Variants in CPHXL observed in about 807,000 individuals in gnomAD.
The protein encoded by CPHXL is cytoplasmic polyadenylated homeobox-like protein.
At chr16:75,719,357 A>C (rs1959440735) in intron 1 of CPHXL, among the ~76,000 whole-genome samples, 1 of 152,150 alleles carries the variant, frequency 6.6e-6, no homozygotes, top group Admixed American at 6.5e-5. Flanking sequence ...TTCCTAGTGA[A>C]AGAAAGGGGT....
At position 75,725,774 on chromosome 16, in the gene CPHXL, T is replaced by C. The variant is rs1327312188; in HGVS notation, c.25+644A>G. On this transcript the variant is annotated intron_variant, in intron 1 of 2. Transcript: ENST00000640559. Reference sequence around the variant, plus strand: ...GCGTCTTTTTTTTTTTTTTTTTTTTTTTTTTTTTTAGGCAACCTTGCTATG... The same window carrying C: ...GCGTCTTTTTTTTTTTTTTTTTTTTCTTTTTTTTTAGGCAACCTTGCTATG... 3.6e-5 allele frequency among the ~76,000 whole-genome samples: 5 copies of C among 138,784 alleles called. No homozygotes were observed. In the Admixed American group the frequency reaches 3.9e-4, roughly 11 times the overall value. 91.0% of individuals were successfully genotyped at this position (138,784 alleles called of 152,430 possible). A position where few individuals can be genotyped will look rare whatever the true frequency, so the allele number is the denominator to read the frequency against.
At chr16:75,723,812 G>T (rs1289803136) in intron 1 of CPHXL, among the ~76,000 whole-genome samples, 1 of 152,128 alleles carries the variant, frequency 6.6e-6, no homozygotes, top group East Asian at 1.9e-4. Context: ...TAAGCCAAAA[G>T]AACAAAGCTG....
intron 1 of CPHXL, among the ~76,000 whole-genome samples, chr16:75,724,560 C>G (rs1220771538): frequency 1.3e-5 from 2 of 152,218 alleles, no homozygotes; most frequent in African/African-American, 4.8e-5. Flanking sequence ...AAATGCAAAT[C>G]AAAACCACAA....
intron 1 of CPHXL, among the ~76,000 whole-genome samples, chr16:75,724,302 C>T (rs1481166134): frequency 6.6e-6 from 1 of 152,156 alleles, no homozygotes; most frequent in Admixed American, 6.5e-5. Flanking sequence ...AGAGCTTCTG[C>T]ACAGTAAAAG....
chr16:75,722,939 G>C (rs150618959), intron 1 of CPHXL, among the ~76,000 whole-genome samples: 9,595 of 152,206 alleles, frequency 0.063, 451 homozygotes, highest in African/African-American at 0.12. Context: ...TGCAAGGCTG[G>C]TTCAACATAC....
chr16:75,724,415 A>C (rs542422743), intron 1 of CPHXL, among the ~76,000 whole-genome samples: 1 of 152,194 alleles, frequency 6.6e-6, no homozygotes, highest in Non-Finnish European at 1.5e-5. Flanking sequence ...AATGAACTCA[A>C]ACAAATTTAC....
In CPHXL at chr16:75,718,412, C is replaced by A. The variant is rs2151838882; in HGVS notation, c.72G>T (p.Lys24Asn). ...GTCGGTGTTTTGTTTTTCTTTTATTCTTTGTTTGTCTTTCTTCATTATGAT... is the reference window on the plus strand; with the variant it reads ...GTCGGTGTTTTGTTTTTCTTTTATTATTTGTTTGTCTTTCTTCATTATGAT... Reference protein sequence around the residue: ...EDHHNEERQTKNKRKTKHRHK... With the variant: ...EDHHNEERQTNNKRKTKHRHK... The change falls in exon 2 of 3, where the codon AAG becomes AAT. Residue 24 changes from lysine to asparagine, a missense_variant. Physicochemically the swap from Lys to Asn is moderately conservative, Grantham distance 94. Transcript: ENST00000640559. The A allele has an allele frequency of 2.5e-6, 1 of 398,466 alleles. No homozygotes were observed. Among genetic ancestry groups the A allele is most frequent in the Admixed American group, 4.4e-5 (1 of 22,716 alleles). 24.7% of individuals were successfully genotyped at this position (398,466 alleles called of 1,614,324 possible).
At chr16:75,717,550 T>C (rs1959410169) in intron 2 of CPHXL, among the ~76,000 whole-genome samples, 1 of 152,198 alleles carries the variant, frequency 6.6e-6, no homozygotes, top group South Asian at 2.1e-4. Context: ...GCTACATAAA[T>C]ATTTCTTATT....
chr16:75,725,222 A>C (rs1959538212), intron 1 of CPHXL, among the ~76,000 whole-genome samples: 1 of 152,102 alleles, frequency 6.6e-6, no homozygotes, highest in Non-Finnish European at 1.5e-5. Context: ...ACATGTATAT[A>C]TATGTAACTA....
intron 1 of CPHXL, among the ~76,000 whole-genome samples, chr16:75,721,442 G>T (rs1959475684): frequency 3.3e-5 from 5 of 152,078 alleles, no homozygotes; most frequent in Admixed American, 3.3e-4. Flanking sequence ...AAAAAGGCAG[G>T]GGTTGCAATC....
chr16:75,720,437 C>G (rs146290200), intron 1 of CPHXL, among the ~76,000 whole-genome samples: 3 of 151,944 alleles, frequency 2.0e-5, no homozygotes, highest in Admixed American at 6.6e-5. Context: ...AACCACGGCA[C>G]GAGAACTACA....
In CPHXL at chr16:75,724,245, A is replaced by C. The variant is rs548145521; in HGVS notation, c.25+2173T>G. On this transcript the variant is annotated intron_variant, in intron 1 of 2. Coordinates refer to ENST00000640559, the MANE Select transcript of CPHXL (RefSeq NM_001355613.1). ...ACTTCATGTCTAAAACACCAAAAGC[A>C]ATGGCAACGAAAGCCAAAATTGACA... 2.8e-3 allele frequency among the ~76,000 whole-genome samples: 429 copies of C among 152,338 alleles called. 1 individual carries two copies. The highest frequency in any genetic ancestry group is 9.7e-3 in the African/African-American group (404 of 41,584).
At chr16:75,719,257 C>A (rs1324122329) in intron 1 of CPHXL, among the ~76,000 whole-genome samples, 5 of 152,032 alleles carry the variant, frequency 3.3e-5, no homozygotes, top group Admixed American at 6.6e-5. Context: ...GAAGTGGGTA[C>A]AGGAGAGTGG....
At position 75,715,239 on chromosome 16, in the gene CPHXL, A is replaced by T. The variant is rs1376502420; in HGVS notation, c.220-17T>A. On this transcript the variant is annotated splice_polypyrimidine_tract_variant and intron_variant, in intron 2 of 2. Transcript: ENST00000640559. The stretch of plus-strand genomic sequence containing the variant: ...GAACCAATTCTAGAGAGAAAAGATA[A>T]TATTGTTTTATTGACTCTACTTATC... The T allele has an allele frequency of 2.5e-6, 1 of 398,634 alleles. No homozygotes were observed. The highest frequency in any genetic ancestry group is 4.4e-6 in the Non-Finnish European group (1 of 226,168). The allele number at this position is 398,634 out of a possible 1,614,324, so 24.7% of individuals were successfully genotyped here. A position where few individuals can be genotyped will look rare whatever the true frequency, so the allele number is the denominator to read the frequency against.
intron 1 of CPHXL, 94 bp downstream of exon 1, chr16:75,726,324 C>G: frequency 2.5e-6 from 1 of 398,350 alleles, no homozygotes; most frequent in Non-Finnish European, 4.4e-6. Context: ...CTCCAACAAT[C>G]TGTACCTCTG....
chr16:75,725,414 T>C (rs1365087204), intron 1 of CPHXL, among the ~76,000 whole-genome samples: 1 of 151,826 alleles, frequency 6.6e-6, no homozygotes, highest in Non-Finnish European at 1.5e-5. Flanking sequence ...TCAACTTTTG[T>C]AGTAGCTGGG....
intron 1 of CPHXL, among the ~76,000 whole-genome samples, chr16:75,720,907 A>G (rs375927817): frequency 7.9e-5 from 12 of 152,352 alleles, no homozygotes; most frequent in Middle Eastern, 3.4e-3. Context: ...CGGATCTCTC[A>G]GCAGAAACTC....
In CPHXL at chr16:75,725,434, A is replaced by C. The variant is rs186122432; in HGVS notation, c.25+984T>G. 3.6e-3 allele frequency among the ~76,000 whole-genome samples: 535 copies of C among 149,748 alleles called. 9 individuals carry two copies. Among genetic ancestry groups the C allele is most frequent in the Middle Eastern group, 3.5e-3 (1 of 282 alleles). ...TTTTGTAGTAGCTGGGACTACACAT[A>C]GGCACCACTGTGGCTTCCTCTTTTT... On this transcript the variant is annotated intron_variant, in intron 1 of 2. Coordinates refer to ENST00000640559, the MANE Select transcript of CPHXL (RefSeq NM_001355613.1).
At chr16:75,723,257 C>G (rs373676072) in intron 1 of CPHXL, among the ~76,000 whole-genome samples, 1 of 152,150 alleles carries the variant, frequency 6.6e-6, no homozygotes, top group Non-Finnish European at 1.5e-5. Context: ...CCAGGGCAAT[C>G]AGGCAGGAGA....
Sources: gnomAD v4.1 joint callset for allele counts (sites outside exome capture counted in the v4.1 genomes callset) on GRCh38, gnomAD v4.1.1 for gene constraint, MANE v1.5 for transcripts, NCBI Gene and HGNC (gene_info 2026-07-23, HGNC 2026-07-21) for gene names.